The following CNTN5 variants were observed in gnomAD, a reference collection of about 807,000 sequenced individuals.
The protein encoded by CNTN5 is contactin-5.
In CNTN5, 77 loss-of-function variants were observed where a neutral mutation model predicts 129.1. The ratio of observed to expected loss-of-function variants is 0.60; its 90% CI spans 0.50 to 0.72. The LOEUF (loss-of-function observed/expected upper bound fraction) is 0.72. Ranked by LOEUF, CNTN5 falls within the 30% of genes least tolerant of loss-of-function variation. The pLI is 0.00. For synonymous variants in CNTN5, 509 were observed against 465.6 expected (o/e 1.09, Z -1.20); for missense variants, 1,478 against 1,328.8 (o/e 1.11, Z -1.75).
At chr11:100,308,616 C>G in intron 21 of CNTN5, 148 bp downstream of exon 21, 3 of 1,389,264 alleles carry the variant, frequency 2.2e-6, no homozygotes, top group Non-Finnish European at 2.8e-6. Context: ...TACTATTTTA[C>G]TGGGATGTGT....
chr11:99,714,825 T>G (rs1395054249), intron 3 of CNTN5, among the ~76,000 whole-genome samples: 1 of 145,082 alleles, frequency 6.9e-6, no homozygotes, highest in African/African-American at 2.6e-5. Flanking sequence ...ATCAAACCAC[T>G]TAGCCTGTTT....
At chr11:100,102,229 C>T (rs1292739509) in intron 13 of CNTN5, among the ~76,000 whole-genome samples, 1 of 151,578 alleles carries the variant, frequency 6.6e-6, no homozygotes, top group South Asian at 2.1e-4. Flanking sequence ...CCCACACTAA[C>T]GTCTATTTTT....
At chr11:99,060,542 T>C (rs549922565) in intron 1 of CNTN5, among the ~76,000 whole-genome samples, 1 of 152,132 alleles carries the variant, frequency 6.6e-6, no homozygotes, top group South Asian at 2.1e-4. Flanking sequence ...ACTAAGATGA[T>C]GTGGAAATAG....
intron 1 of CNTN5, among the ~76,000 whole-genome samples, chr11:99,296,871 C>T (rs770009485): frequency 5.3e-5 from 8 of 152,146 alleles, no homozygotes; most frequent in Non-Finnish European, 8.8e-5. Flanking sequence ...GGTAACCTCC[C>T]AGGTGCCCAG....
intron 15 of CNTN5, among the ~76,000 whole-genome samples, chr11:100,199,280 A>G (rs894512105): frequency 1.3e-5 from 2 of 151,824 alleles, no homozygotes; most frequent in Non-Finnish European, 2.9e-5. Flanking sequence ...CTTTCATGTA[A>G]ATGGTCCCAT....
intron 3 of CNTN5, among the ~76,000 whole-genome samples, chr11:99,706,746 G>T (rs2134916623): frequency 6.6e-6 from 1 of 151,058 alleles, no homozygotes; most frequent in African/African-American, 2.4e-5. Context: ...GCCTGTGGAA[G>T]ACTTCTACAC....
intron 2 of CNTN5, among the ~76,000 whole-genome samples, chr11:99,477,097 T>C (rs1460060856): frequency 6.6e-6 from 1 of 151,944 alleles, no homozygotes; most frequent in Non-Finnish European, 1.5e-5. Context: ...CACTATATAT[T>C]GAATTTATTT....
At chr11:99,996,795 GGA>G (rs1253589369) in intron 8 of CNTN5, among the ~76,000 whole-genome samples, 1 of 152,058 alleles carries the variant, frequency 6.6e-6, no homozygotes, top group Non-Finnish European at 1.5e-5. Context: ...CATGGCAGCA[GGA>G]GAGAGAGAGG....
intron 2 of CNTN5, among the ~76,000 whole-genome samples, chr11:99,477,406 C>A (rs1945415790): frequency 6.6e-6 from 1 of 151,716 alleles, no homozygotes; most frequent in Non-Finnish European, 1.5e-5. Flanking sequence ...GAGTCTCTTT[C>A]CATTTATTTC....
chr11:99,647,463 T>C (rs1169159950), intron 3 of CNTN5, among the ~76,000 whole-genome samples: 1 of 151,936 alleles, frequency 6.6e-6, no homozygotes, highest in Non-Finnish European at 1.5e-5. Context: ...TTTTGAAATC[T>C]AGTAGTCTCA....
In CNTN5 at chr11:99,154,228, C is replaced by T. The variant is rs928428462; in HGVS notation, c.-210+132958C>T. On this transcript the variant is annotated intron_variant, in intron 1 of 24. Transcript: ENST00000524871. ...GTGTTCCTGCACATGCTCACTCCAG[C>T]GGCATGGTATGGGTGGGTTATGGTT... is the stretch of plus-strand genomic sequence containing the variant. Among the ~76,000 whole-genome samples, 9 of 152,152 alleles carry T rather than the reference C, an allele frequency of 5.9e-5. No individual in the cohort carries two copies. In the East Asian group the frequency reaches 1.5e-3, roughly 26 times the overall value.
intron 13 of CNTN5, among the ~76,000 whole-genome samples, chr11:100,142,540 A>G (rs1383693628): frequency 6.6e-6 from 1 of 152,212 alleles, no homozygotes; most frequent in African/African-American, 2.4e-5. Flanking sequence ...GACAGGTTGC[A>G]ATCAAAATGC....
intron 2 of CNTN5, among the ~76,000 whole-genome samples, chr11:99,463,788 G>C (rs1432758886): frequency 1.3e-5 from 2 of 150,020 alleles, no homozygotes; most frequent in Admixed American, 1.3e-4. Flanking sequence ...ATTAAATTCT[G>C]TAAATAAGTA....
intron 6 of CNTN5, among the ~76,000 whole-genome samples, chr11:99,890,169 A>T (rs1363147124): frequency 2.6e-5 from 4 of 152,226 alleles, no homozygotes; most frequent in Non-Finnish European, 5.9e-5. Flanking sequence ...AAAGTGGAAG[A>T]ATGTATGAAA....
chr11:99,499,026 G>C (rs552512671), intron 2 of CNTN5, among the ~76,000 whole-genome samples: 2 of 152,086 alleles, frequency 1.3e-5, no homozygotes, highest in Non-Finnish European at 2.9e-5. Context: ...ACATCCCCTT[G>C]TTGGCTTAAA....
Position 99,323,982 on chromosome 11 carries a change from G to A in CNTN5, c.-209-1364G>A, listed in dbSNP as rs568671918. Among the ~76,000 whole-genome samples the A allele has an allele frequency of 3.1e-4, 47 of 152,224 alleles. No homozygotes were observed. The South Asian group carries it at 6.0e-3, about 19-fold the overall frequency. On this transcript the variant is annotated intron_variant, in intron 1 of 24. Transcript: ENST00000524871. ...CAAAAAGGAATCTATAGTTCCTTCT[G>A]TTCACAATTTGTATACTACAATAAT...
chr11:99,466,553 A>G (rs901914782), intron 2 of CNTN5, among the ~76,000 whole-genome samples: 1 of 152,146 alleles, frequency 6.6e-6, no homozygotes, highest in Non-Finnish European at 1.5e-5. Context: ...ACTTTTTATA[A>G]ATTTTTTATT....
At chr11:100,067,707 A>G (rs1278084800) in intron 10 of CNTN5, among the ~76,000 whole-genome samples, 2 of 152,114 alleles carry the variant, frequency 1.3e-5, no homozygotes, top group African/African-American at 2.4e-5. Flanking sequence ...AATTCTTGGT[A>G]GAATGAATTT....
chr11:99,577,415 T>A (rs1015512309), intron 3 of CNTN5, among the ~76,000 whole-genome samples: 1 of 152,192 alleles, frequency 6.6e-6, no homozygotes, highest in Non-Finnish European at 1.5e-5. Context: ...TACCAATGAT[T>A]AATCTTAATG....
Sources: allele counts gnomAD v4.1 joint callset (sites outside exome capture counted in the v4.1 genomes callset), GRCh38; gene constraint gnomAD v4.1.1; transcripts MANE v1.5; gene names NCBI Gene and HGNC (gene_info 2026-07-23, HGNC 2026-07-21).